LARGE1: variants seen among roughly 807,000 people sequenced by gnomAD.
LARGE1 encodes xylosyl- and glucuronyltransferase LARGE1.
In LARGE1, 43 loss-of-function variants were observed where a neutral mutation model predicts 87.6. The ratio of observed to expected loss-of-function variants is 0.49; its 90% CI spans 0.38 to 0.63. LARGE1 has a LOEUF of 0.63. LARGE1 is among the 30% of genes least tolerant of loss of function. The pLI is 0.00. For synonymous variants in LARGE1, 434 were observed against 394.6 expected (o/e 1.10, Z -1.18); for missense variants, 802 against 1,000.2 (o/e 0.80, Z 2.67).
In LARGE1 at chr22:33,526,617, C is replaced by T. The variant is rs117452526; in HGVS notation, c.787+38231G>A. Among the ~76,000 whole-genome samples the T allele has an allele frequency of 3.4e-3, 525 of 152,332 alleles. 6 individuals carry two copies. The highest frequency in any genetic ancestry group is 0.022 in the South Asian group (104 of 4,832). ...CTCACATGGCTCAGCAGAGAGCCTA[C>T]GCTGGACAGGCGCTGGGAAGAGTTC... On this transcript the variant is annotated intron_variant, in intron 6 of 14. Transcript: ENST00000397394.
chr22:33,363,380 T>A (rs538530527), intron 9 of LARGE1, among the ~76,000 whole-genome samples: 14 of 149,976 alleles, frequency 9.3e-5, no homozygotes, highest in African/African-American at 3.4e-4. Context: ...AGGCATGGCT[T>A]ACATTGGCAA....
At chr22:33,740,782 C>T (rs961352569) in intron 2 of LARGE1, among the ~76,000 whole-genome samples, 8 of 152,190 alleles carry the variant, frequency 5.3e-5, no homozygotes, top group Non-Finnish European at 1.0e-4. Context: ...AGATCATTCT[C>T]AAAGGTGCGC....
chr22:33,201,495 T>C (rs1303532789), intron 11 of LARGE1, among the ~76,000 whole-genome samples: 2 of 151,898 alleles, frequency 1.3e-5, no homozygotes, highest in Non-Finnish European at 2.9e-5. Flanking sequence ...CTGAAATGGA[T>C]TGGGCAGACA....
chr22:33,493,002 C>T (rs1484323408), intron 6 of LARGE1, among the ~76,000 whole-genome samples: 1 of 152,050 alleles, frequency 6.6e-6, no homozygotes, highest in East Asian at 1.9e-4. Flanking sequence ...GAGAAATTAT[C>T]AGAGTATCCC....
At chr22:33,099,863 C>T in the LARGE1 span, among the ~76,000 whole-genome samples, 102 of 152,214 alleles carry the variant, frequency 6.7e-4, no homozygotes, top group African/African-American at 2.2e-3. Context: ...CGCTCTGGCC[C>T]GAGTCAGGAA....
chr22:33,168,357 G>A (rs1215253241), intron 11 of LARGE1, among the ~76,000 whole-genome samples: 1 of 152,198 alleles, frequency 6.6e-6, no homozygotes, highest in Non-Finnish European at 1.5e-5. Flanking sequence ...TAAGGCCAAA[G>A]TAAAGAGGCC....
intron 9 of LARGE1, among the ~76,000 whole-genome samples, chr22:33,380,563 A>G (rs533828694): frequency 2.0e-5 from 3 of 152,334 alleles, no homozygotes; most frequent in South Asian, 4.1e-4. Context: ...TAACTATTGG[A>G]TATGATGTTC....
At chr22:33,750,750 C>A (rs2084285171) in intron 2 of LARGE1, 1 of 152,014 alleles carries the variant, frequency 6.6e-6, no homozygotes, top group African/African-American at 2.4e-5. Flanking sequence ...GAATACTGGT[C>A]TTGTTTCCAA....
intron 11 of LARGE1, among the ~76,000 whole-genome samples, chr22:33,265,173 G>C (rs893205795): frequency 9.9e-5 from 15 of 151,978 alleles, no homozygotes; most frequent in African/African-American, 3.4e-4. Flanking sequence ...CGAAAGTGCT[G>C]GGATTACAGG....
chr22:33,196,296 T>C (rs1285889881), intron 11 of LARGE1, among the ~76,000 whole-genome samples: 2 of 151,960 alleles, frequency 1.3e-5, no homozygotes, highest in African/African-American at 2.4e-5. Context: ...ACATATAACA[T>C]ATAGGAAAGA....
intron 2 of LARGE1, among the ~76,000 whole-genome samples, chr22:33,709,935 C>T (rs564703470): frequency 6.8e-6 from 1 of 146,218 alleles, no homozygotes. Flanking sequence ...CTGGCCAATG[C>T]TACTTTGATG....
At chr22:33,114,119 G>A in the LARGE1 span, among the ~76,000 whole-genome samples, 2 of 149,382 alleles carry the variant, frequency 1.3e-5, no homozygotes, top group Non-Finnish European at 3.0e-5. Context: ...CTCGTGATCC[G>A]CCTGCCTCAG....
intron 6 of LARGE1, among the ~76,000 whole-genome samples, chr22:33,439,399 C>G (rs1456462693): frequency 2.0e-5 from 3 of 152,052 alleles, no homozygotes; most frequent in Non-Finnish European, 4.4e-5. Flanking sequence ...ACCCCTCACC[C>G]CATCCCTGCT....
intron 4 of LARGE1, among the ~76,000 whole-genome samples, chr22:33,622,008 T>C (rs1343198237): frequency 6.6e-6 from 1 of 152,186 alleles, no homozygotes; most frequent in African/African-American, 2.4e-5. Flanking sequence ...TCCCATGGAA[T>C]ACAAGCCATA....
chr22:33,822,811 C>T (rs5999113), intron 1 of LARGE1, among the ~76,000 whole-genome samples: 36,608 of 152,070 alleles, frequency 0.24, 4,657 homozygotes, highest in East Asian at 0.39. Context: ...TCCAGTCACA[C>T]GTAGGAATGA....
In LARGE1 at chr22:33,539,075, T is replaced by C. The variant is rs892125521; in HGVS notation, c.787+25773A>G. Among the ~76,000 whole-genome samples, 6 of 152,214 alleles carry C rather than the reference T, an allele frequency of 3.9e-5. No homozygotes were observed. In the East Asian group the frequency reaches 1.2e-3, roughly 29 times the overall value. ...TTGTTTTACGAAAATATTGTTTTAA[T>C]TGCTCATCTGCATATATGTGTGTAT... On this transcript the variant is annotated intron_variant, in intron 6 of 14. Transcript: ENST00000397394.
At chr22:33,433,607 C>CAAAAAA in intron 6 of LARGE1, among the ~76,000 whole-genome samples, 374 of 88,232 alleles carry the variant, frequency 4.2e-3, no homozygotes, top group South Asian at 6.7e-3. Context: ...AAAAACAAAA[C>CAAAAAA]AAAAAAAAAA....
intron 6 of LARGE1, among the ~76,000 whole-genome samples, chr22:33,439,716 C>T (rs2067400886): frequency 6.6e-6 from 1 of 152,188 alleles, no homozygotes; most frequent in Non-Finnish European, 1.5e-5. Context: ...TATGTATCAG[C>T]CCACCATCTT....
chr22:33,690,326 C>A (rs1253801184), intron 2 of LARGE1, among the ~76,000 whole-genome samples: 1 of 152,158 alleles, frequency 6.6e-6, no homozygotes, highest in Non-Finnish European at 1.5e-5. Flanking sequence ...GATAATGGCC[C>A]CCATCTCATG....
Sources: gnomAD v4.1 joint callset for allele counts (sites outside exome capture counted in the v4.1 genomes callset) on GRCh38, gnomAD v4.1.1 for gene constraint, MANE v1.5 for transcripts, NCBI Gene and HGNC (gene_info 2026-07-23, HGNC 2026-07-21) for gene names.